HS6ST2: variants seen among roughly 807,000 people sequenced by gnomAD.
HS6ST2 encodes the protein heparan-sulfate 6-O-sulfotransferase 2.
A neutral mutation model predicts 33.0 loss-of-function variants in HS6ST2; 17 were observed. The observed-to-expected ratio is 0.52, with a 90% confidence interval of 0.35 to 0.77. The LOEUF (loss-of-function observed/expected upper bound fraction) is 0.77, where lower values mean the gene tolerates loss of function less well. Ranked by LOEUF, HS6ST2 falls within the 30% of genes least tolerant of loss-of-function variation. HS6ST2 has a pLI of 0.01. For synonymous variants in HS6ST2, 248 were observed against 237.1 expected, an observed-to-expected ratio of 1.05 and a Z score of -0.42; for missense variants, 519 against 551.7, an observed-to-expected ratio of 0.94 and a Z score of 0.59.
intron 2 of HS6ST2, among the ~76,000 whole-genome samples, chrX:132,911,454 T>G (rs1019743936): frequency 9.0e-6 from 1 of 111,581 alleles, no homozygotes; most frequent in African/African-American, 3.3e-5. Context: ...AAAAAGGACT[T>G]AGGCAAGCAC....
chrX:132,941,525 G>A (rs1025725230), intron 2 of HS6ST2, among the ~76,000 whole-genome samples: 1 of 112,163 alleles, frequency 8.9e-6, no homozygotes. Context: ...CTTTAAATGG[G>A]TTCTCTCCTT....
chrX:132,806,930 G>A (rs2065289087), intron 2 of HS6ST2, among the ~76,000 whole-genome samples: 1 of 109,379 alleles, frequency 9.1e-6, no homozygotes, highest in Admixed American at 9.8e-5. Context: ...TAATGAAATG[G>A]GGTCTTTGGT....
chrX:132,822,347 C>A (rs1169179175), intron 2 of HS6ST2, among the ~76,000 whole-genome samples: 1 of 111,145 alleles, frequency 9.0e-6, no homozygotes, highest in Non-Finnish European at 1.9e-5. Context: ...AGAGGACACC[C>A]TCTCTGATAT....
chrX:132,663,708 G>A (rs937345988), intron 4 of HS6ST2, among the ~76,000 whole-genome samples: 3 of 112,223 alleles, frequency 2.7e-5, no homozygotes, highest in Admixed American at 9.4e-5. Flanking sequence ...TACTTGGCCA[G>A]TGGATTGCTA....
chrX:132,859,117 C>T (rs1277874859), intron 2 of HS6ST2, among the ~76,000 whole-genome samples: 1 of 112,079 alleles, frequency 8.9e-6, no homozygotes, highest in Non-Finnish European at 1.9e-5. Flanking sequence ...TTGTTGTGCC[C>T]TTTCTAGCCA....
At chrX:132,788,956 G>A (rs1358274939) in intron 2 of HS6ST2, among the ~76,000 whole-genome samples, 1 of 112,584 alleles carries the variant, frequency 8.9e-6, no homozygotes, top group African/African-American at 3.2e-5. Context: ...TGAGGTTTAA[G>A]GAAATAAGCT....
chrX:132,739,807 G>A (rs756960337), intron 2 of HS6ST2, among the ~76,000 whole-genome samples: 1 of 110,710 alleles, frequency 9.0e-6, no homozygotes, highest in African/African-American at 3.3e-5. Context: ...TGCCATAAGC[G>A]TTTTCCTAAA....
intron 2 of HS6ST2, among the ~76,000 whole-genome samples, chrX:132,805,858 T>A (rs1483687195): frequency 1.8e-5 from 2 of 110,598 alleles, no homozygotes; most frequent in Non-Finnish European, 3.8e-5. Flanking sequence ...CCACCTTAGT[T>A]GAATAGATTG....
chrX:132,627,441 T>C lies in HS6ST2; in HGVS notation c.*782A>G, dbSNP rs2063486996. 8.9e-6 allele frequency: 1 copy of C among 112,410 alleles called. No individual in the cohort carries two copies. Among genetic ancestry groups the C allele is most frequent in the Non-Finnish European group, 1.9e-5 (1 of 53,192 alleles). 9.3% of individuals were successfully genotyped at this position (112,410 alleles called of 1,213,427 possible). A position where few individuals can be genotyped will look rare whatever the true frequency, so the allele number is the denominator to read the frequency against. On this transcript the variant is annotated 3_prime_UTR_variant, in exon 5 of 5. Coordinates refer to ENST00000370833, the MANE Select transcript of HS6ST2 (RefSeq NM_001394073.1). ...CAGCGCCAAAATGATTCCAGTATTG[T>C]TGAAATTACAGTGCCCTGAAAGCGC... is the stretch of plus-strand genomic sequence containing the variant.
At chrX:132,821,639 A>AAT (rs2065460087) in intron 2 of HS6ST2, among the ~76,000 whole-genome samples, 2 of 110,815 alleles carry the variant, frequency 1.8e-5, no homozygotes, top group African/African-American at 6.6e-5. Context: ...AGAATGCCAA[A>AAT]ATGAAGAATC....
intron 2 of HS6ST2, among the ~76,000 whole-genome samples, chrX:132,781,763 G>A (rs995226334): frequency 9.0e-6 from 1 of 111,442 alleles, no homozygotes; most frequent in Non-Finnish European, 1.9e-5. Flanking sequence ...AAAACCATCC[G>A]ATCTCATGAG....
chrX:132,772,969 A>T (rs1338227303), intron 2 of HS6ST2, among the ~76,000 whole-genome samples: 7 of 90,033 alleles, frequency 7.8e-5, no homozygotes, highest in African/African-American at 3.0e-4. Context: ...TTAATATATA[A>T]TATATTAATG....
intron 2 of HS6ST2, among the ~76,000 whole-genome samples, chrX:132,908,222 C>T (rs1180702887): frequency 1.5e-5 from 1 of 66,436 alleles, no homozygotes; most frequent in African/African-American, 5.9e-5. Context: ...TAACCCTTCA[C>T]AAACCTGCTA....
At chrX:132,676,695 T>A (rs763809497) in intron 3 of HS6ST2, among the ~76,000 whole-genome samples, 101 of 111,703 alleles carry the variant, frequency 9.0e-4, no homozygotes, top group African/African-American at 3.0e-3. Context: ...AGGTCTAAGA[T>A]GGGACCTGAG....
At chrX:132,648,301 A>T (rs1329422566) in intron 4 of HS6ST2, among the ~76,000 whole-genome samples, 6 of 111,163 alleles carry the variant, frequency 5.4e-5, no homozygotes, top group African/African-American at 1.6e-4. Context: ...GGAACCACAG[A>T]CTTTGTGCAC....
Position 132,820,443 on chromosome X carries a change from T to A in HS6ST2, c.948-111949A>T, listed in dbSNP as rs147513623. Among the ~76,000 whole-genome samples, 227 of 111,058 alleles carry A rather than the reference T, an allele frequency of 2.0e-3. 2 individuals carry two copies. The highest frequency in any genetic ancestry group is 7.0e-3 in the African/African-American group (213 of 30,507). On this transcript the variant is annotated intron_variant, in intron 2 of 4. Coordinates refer to ENST00000370833, the MANE Select transcript of HS6ST2 (RefSeq NM_001394073.1). ...GGGGCAGCCAGAGGACTGATAATGA[T>A]CCCTAGAGATTTCTGAACCCAGGAG...
intron 3 of HS6ST2, among the ~76,000 whole-genome samples, chrX:132,670,098 A>ATTTTTTTTTTT: frequency 9.6e-6 from 1 of 104,680 alleles, no homozygotes. Context: ...CATCAGGAAG[A>ATTTTTTTTTTT]TTTTTTTTTT....
At chrX:132,668,411 G>A (rs2063826756) in intron 4 of HS6ST2, 6 of 110,801 alleles carry the variant, frequency 5.4e-5, no homozygotes, top group Admixed American at 3.9e-4. Flanking sequence ...CTAATTAGAG[G>A]TATGTCATCT....
At chrX:132,739,469 C>T (rs1175020341) in intron 2 of HS6ST2, among the ~76,000 whole-genome samples, 2 of 111,396 alleles carry the variant, frequency 1.8e-5, no homozygotes, top group Non-Finnish European at 3.8e-5. Context: ...AATCGCAGCA[C>T]TTTGGGAGGC....
Sources: allele counts gnomAD v4.1 joint callset (sites outside exome capture counted in the v4.1 genomes callset), GRCh38; gene constraint gnomAD v4.1.1; transcripts MANE v1.5; gene names NCBI Gene and HGNC (gene_info 2026-07-23, HGNC 2026-07-21).